Variants in CFAP57 observed in about 807,000 individuals in gnomAD.
The protein encoded by CFAP57 is cilia and flagella associated protein 57, also known as cilia- and flagella-associated protein 57.
In CFAP57, 116 loss-of-function variants were observed where a neutral mutation model predicts 146.8. That is an observed-to-expected ratio of 0.79 (90% CI 0.68 to 0.92). CFAP57 has a LOEUF of 0.92. Ranked by LOEUF, CFAP57 falls within the 40% of genes least tolerant of loss-of-function variation. The pLI is 0.00. For synonymous variants in CFAP57, 518 were observed against 552.8 expected (o/e 0.94, Z 0.88); for missense variants, 1,377 against 1,527.2 (o/e 0.90, Z 1.64).
intron 9 of CFAP57, 80 bp from the exon 10 acceptor site, chr1:43,206,640 C>T (rs1045174591): frequency 1.6e-4 from 230 of 1,452,030 alleles, no homozygotes; most frequent in Non-Finnish European, 1.9e-4. Context: ...AGTGGAGCAC[C>T]TAAGGAGTTT....
chr1:43,190,473 T>C (rs1033715471), intron 6 of CFAP57, among the ~76,000 whole-genome samples: 1 of 152,110 alleles, frequency 6.6e-6, no homozygotes, highest in Admixed American at 6.5e-5. Context: ...GGTTTCACCA[T>C]GTTAGCCAGG....
At chr1:43,243,179 T>C in intron 21 of CFAP57, 48 bp from the exon 22 acceptor site, 1 of 1,542,890 alleles carries the variant, frequency 6.5e-7, no homozygotes, top group Non-Finnish European at 8.7e-7. Flanking sequence ...TTGTGCCCAC[T>C]GACCACTCAT....
intron 18 of CFAP57, among the ~76,000 whole-genome samples, chr1:43,230,292 C>T (rs1388023731): frequency 1.3e-5 from 2 of 152,196 alleles, no homozygotes; most frequent in Non-Finnish European, 2.9e-5. Flanking sequence ...ATTGCCTTGG[C>T]CTAGGACGCT....
intron 17 of CFAP57, among the ~76,000 whole-genome samples, chr1:43,226,524 A>G (rs1032560554): frequency 2.6e-5 from 4 of 152,236 alleles, no homozygotes; most frequent in African/African-American, 9.6e-5. Flanking sequence ...AGAGAGCCAG[A>G]TAAAAGCTGC....
rs949577000 is a variant in CFAP57, at chr1:43,238,376, T to C, written c.3405+3738T>C. ...CAGTTCCAAAGGCCAAAGGCAGTCC[T>C]GGACAGCTTGGCAGAGCCCCTTTGC... is the stretch of plus-strand genomic sequence containing the variant. On this transcript the variant is annotated intron_variant, in intron 21 of 22. Transcript: ENST00000372492. The surrounding 1 kb of genome is among the most constrained non-coding windows in gnomAD (Gnocchi z 4.3). Among the ~76,000 whole-genome samples the C allele has an allele frequency of 1.3e-5, 2 of 152,342 alleles. No homozygotes were observed. The highest frequency in any genetic ancestry group is 3.9e-4 in the East Asian group (2 of 5,190).
Position 43,219,392 on chromosome 1 carries a change from T to G in CFAP57, c.2102T>G (p.Met701Arg), listed in dbSNP as rs1644958791. The stretch of plus-strand genomic sequence containing the variant: ...GTCCTTCTCCCAAAGGCTCAGGTTA[T>G]GTTGGAGCTAAAGACTCGTGTGGAG... ...KTDMEEKAQV[M>R]LELKTRVEEL... The change falls in exon 13 of 23, where the codon ATG (methionine) becomes AGG (arginine). Residue 701 changes from methionine (M) to arginine (R), a missense_variant. Coordinates refer to ENST00000372492, the MANE Select transcript of CFAP57 (RefSeq NM_001378189.1). The G allele has an allele frequency of 6.5e-7, 1 of 1,550,224 alleles. No homozygotes were observed. Among genetic ancestry groups the G allele is most frequent in the African/African-American group, 1.4e-5 (1 of 73,014 alleles).
chr1:43,191,449 T>G (rs1223231210), intron 6 of CFAP57, among the ~76,000 whole-genome samples: 3 of 151,944 alleles, frequency 2.0e-5, no homozygotes, highest in African/African-American at 7.3e-5. Flanking sequence ...TAGCCAGGCA[T>G]GGTGGTGGGC....
chr1:43,236,491 C>T (rs1645695039), intron 21 of CFAP57, among the ~76,000 whole-genome samples: 1 of 138,768 alleles, frequency 7.2e-6, no homozygotes, highest in African/African-American at 2.7e-5. Flanking sequence ...ATATGTAAAA[C>T]AGGGAAGAAA....
chr1:43,214,934 T>C (rs908865999), intron 11 of CFAP57, among the ~76,000 whole-genome samples: 2 of 152,260 alleles, frequency 1.3e-5, no homozygotes, highest in Non-Finnish European at 2.9e-5. Flanking sequence ...CCTGGTGAAA[T>C]GTCTCCTTAT....
At chr1:43,208,844 A>AT (rs1283524563) in intron 10 of CFAP57, among the ~76,000 whole-genome samples, 5 of 149,418 alleles carry the variant, frequency 3.3e-5, no homozygotes, top group Non-Finnish European at 7.4e-5. Context: ...GGGTGGGTGA[A>AT]TGAGTGCATG....
At chr1:43,227,915 C>G (rs1645316235) in intron 18 of CFAP57, among the ~76,000 whole-genome samples, 1 of 152,212 alleles carries the variant, frequency 6.6e-6, no homozygotes, top group East Asian at 1.9e-4. Flanking sequence ...TGATTCTTCA[C>G]TTCTCTTAAC....
intron 18 of CFAP57, among the ~76,000 whole-genome samples, chr1:43,228,612 A>G (rs1007423639): frequency 4.7e-5 from 7 of 148,768 alleles, no homozygotes; most frequent in African/African-American, 1.8e-4. Context: ...TGTGACAATG[A>G]CTTTTTCCCT....
At position 43,205,773 on chromosome 1, in the gene CFAP57, T is replaced by C. The variant is rs530752708; in HGVS notation, c.1543-947T>C. Among the ~76,000 whole-genome samples, 31 of 152,122 alleles carry C rather than the reference T, an allele frequency of 2.0e-4. No homozygotes were observed. In the South Asian group the frequency reaches 6.4e-3, roughly 32 times the overall value. ...AGTTTCCCTTTCCAGACCGAAACCA[T>C]AGCCCAAGATCAGGAGCTATGGGGA... On this transcript the variant is annotated intron_variant, in intron 9 of 22. Coordinates refer to ENST00000372492, the MANE Select transcript of CFAP57 (RefSeq NM_001378189.1).
chr1:43,232,047 T>C (rs1352390109), intron 18 of CFAP57: 1 of 700,358 alleles, frequency 1.4e-6, no homozygotes, highest in Non-Finnish European at 2.6e-6. Context: ...TGTTGGTCCC[T>C]CCAAACTTTC....
chr1:43,215,522 C>G, intron 12 of CFAP57, 106 bp downstream of exon 12: 1 of 1,323,306 alleles, frequency 7.6e-7, no homozygotes, highest in Admixed American at 2.5e-5. Flanking sequence ...ACCCTATGCC[C>G]AGTGCAGACC....
At chr1:43,223,055 G>C in intron 16 of CFAP57, 58 bp downstream of exon 16, 6 of 1,500,600 alleles carry the variant, frequency 4.0e-6, no homozygotes, top group South Asian at 1.3e-5. Context: ...GAGAAAGCTG[G>C]GGTGGGTGGA....
intron 6 of CFAP57, among the ~76,000 whole-genome samples, chr1:43,190,003 T>C (rs1261029652): frequency 6.6e-6 from 1 of 152,198 alleles, no homozygotes; most frequent in Admixed American, 6.5e-5. Flanking sequence ...AACACTGGGG[T>C]TACATTTCAA....
At chr1:43,212,308 C>T (rs992418599) in intron 11 of CFAP57, among the ~76,000 whole-genome samples, 1 of 152,154 alleles carries the variant, frequency 6.6e-6, no homozygotes, top group Non-Finnish European at 1.5e-5. Flanking sequence ...ACTATCATCC[C>T]GAATCCCTGC....
chr1:43,186,732 A>T lies in CFAP57; in HGVS notation c.995A>T (p.Asp332Val). The change falls in exon 6 of 23, where the codon GAT (aspartate) becomes GTT (valine). Residue 332 changes from aspartate to valine, a missense_variant. Transcript: ENST00000372492. ...ATTCCTGTGGACCCGCAGAGCAATG[A>T]TCCAAGTCAGTCTGACAAACAGGAC... The part of the protein sequence containing the change: ...IRIPVDPQSN[D>V]PSQSDKQDVL... The T allele has an allele frequency of 3.1e-6, 5 of 1,614,092 alleles. No individual in the cohort carries two copies. Among genetic ancestry groups the T allele is most frequent in the Non-Finnish European group, 4.2e-6 (5 of 1,180,018 alleles).
Sources: gnomAD v4.1 joint callset for allele counts (sites outside exome capture counted in the v4.1 genomes callset) on GRCh38, gnomAD v4.1.1 for gene constraint, Gnocchi (gnomAD v3.1) non-coding constraint, MANE v1.5 for transcripts, NCBI Gene and HGNC (gene_info 2026-07-23, HGNC 2026-07-21) for gene names.